HOXA3: variants seen among roughly 807,000 people sequenced by gnomAD.
The protein encoded by HOXA3 is homeobox A3, also known as homeobox protein Hox-A3.
HOXA3 carries 8 observed loss-of-function variants against 30.3 expected under a neutral mutation model. The ratio of observed to expected loss-of-function variants is 0.26; its 90% CI spans 0.15 to 0.48. The LOEUF (loss-of-function observed/expected upper bound fraction) is 0.48. Among genes scored for constraint, HOXA3 ranks in the 20% least tolerant of loss-of-function variants. The pLI, the probability that HOXA3 is intolerant of heterozygous loss-of-function variation, is 0.99. For missense variants in HOXA3, 653 were observed against 614.4 expected, an observed-to-expected ratio of 1.06 and a Z score of -0.66; for synonymous variants, 323 against 273.1, an observed-to-expected ratio of 1.18 and a Z score of -1.80.
At chr7:27,111,103 CTT>C (rs371905067) in intron 4 of HOXA3, among the ~76,000 whole-genome samples, 1 of 152,076 alleles carries the variant, frequency 6.6e-6, no homozygotes, top group African/African-American at 2.4e-5. Flanking sequence ...GAAGAAGAAA[CTT>C]GGGGTGTCGC....
chr7:27,131,305 T>C (rs1300209057), intron 2 of HOXA3, among the ~76,000 whole-genome samples: 1 of 152,138 alleles, frequency 6.6e-6, no homozygotes, highest in African/African-American at 2.4e-5. Flanking sequence ...GGTTTTTATG[T>C]ACGCCACTGA....
At chr7:27,149,962 A>G (rs1782912960) in intron 1 of HOXA3, 1 of 152,166 alleles carries the variant, frequency 6.6e-6, no homozygotes, top group Non-Finnish European at 1.5e-5. Context: ...TACTATTATT[A>G]TTATTTGTCA....
chr7:27,145,610 G>T, intron 1 of HOXA3: 5 of 1,579,494 alleles, frequency 3.2e-6, no homozygotes, highest in Non-Finnish European at 3.4e-6. Context: ...GGGCAAGGGG[G>T]CAAAGCCGAA....
intron 1 of HOXA3, among the ~76,000 whole-genome samples, chr7:27,148,809 T>C (rs1782875309): frequency 6.6e-6 from 1 of 152,208 alleles, no homozygotes; most frequent in Admixed American, 6.5e-5. Context: ...AATCCAGATG[T>C]GGAATCTCTC....
At position 27,145,843 on chromosome 7, in the gene HOXA3, CCTT is replaced by C. The variant is rs1419969242; in HGVS notation, c.-493-5660_-493-5658del. The C allele has an allele frequency of 3.1e-6, 5 of 1,614,252 alleles. No homozygotes were observed. In the Admixed American group the frequency reaches 5.0e-5, roughly 16 times the overall value. On this transcript the variant is annotated intron_variant, in intron 1 of 5. Coordinates refer to ENST00000612286, the MANE Select transcript of HOXA3 (RefSeq NM_153631.3). ...GTCAGGTAGCGGTTGAAGTGGAACT[CCTT>C]CTCCAGCTCCAGTGTCTGGTAGCGC...
intron 4 of HOXA3, among the ~76,000 whole-genome samples, chr7:27,115,183 C>CA (rs2128044586): frequency 6.6e-6 from 1 of 151,852 alleles, no homozygotes; most frequent in East Asian, 2.0e-4. Context: ...CACCTTAGAG[C>CA]AAAAACAAAG....
At chr7:27,146,684 G>C (rs1782779140) in intron 1 of HOXA3, among the ~76,000 whole-genome samples, 1 of 152,114 alleles carries the variant, frequency 6.6e-6, no homozygotes. Flanking sequence ...GGGTGGTGGG[G>C]GGTCCCTCCA....
chr7:27,132,192 T>C (rs1311191242), intron 2 of HOXA3, among the ~76,000 whole-genome samples: 2 of 152,318 alleles, frequency 1.3e-5, no homozygotes, highest in African/African-American at 4.8e-5. Flanking sequence ...AATATTTTCA[T>C]ATTGGCATGC....
intron 2 of HOXA3, among the ~76,000 whole-genome samples, chr7:27,132,857 CCTT>C (rs1189351456): frequency 3.3e-5 from 5 of 152,204 alleles, no homozygotes; most frequent in African/African-American, 4.8e-5. Context: ...AATCTTCCCT[CCTT>C]CTCATGTCAT....
At chr7:27,119,101 A>C (rs979487182) in intron 4 of HOXA3, among the ~76,000 whole-genome samples, 1 of 151,976 alleles carries the variant, frequency 6.6e-6, no homozygotes, top group African/African-American at 2.4e-5. Context: ...ATAAGTTTCT[A>C]AACATAAAAA....
intron 2 of HOXA3, chr7:27,129,687 ATAAC>A: frequency 9.0e-7 from 1 of 1,106,830 alleles, no homozygotes. Context: ...TCATTATATA[ATAAC>A]CTGACACCAA....
intron 1 of HOXA3, among the ~76,000 whole-genome samples, chr7:27,149,003 G>T (rs1782880796): frequency 6.6e-6 from 1 of 152,210 alleles, no homozygotes; most frequent in African/African-American, 2.4e-5. Flanking sequence ...GAGGGCTGCC[G>T]CCCCTCAGTC....
intron 1 of HOXA3, chr7:27,141,579 G>T: frequency 2.9e-6 from 1 of 348,194 alleles, no homozygotes; most frequent in Non-Finnish European, 5.2e-6. Context: ...AACACAGCTT[G>T]CTTCATATAA....
intron 3 of HOXA3, among the ~76,000 whole-genome samples, chr7:27,126,442 T>TAA (rs35599450): frequency 5.5e-4 from 78 of 142,704 alleles, no homozygotes; most frequent in African/African-American, 1.8e-3. Flanking sequence ...AGGGTTTGCT[T>TAA]AAAAAAAAAA....
In HOXA3 at chr7:27,113,966, T is replaced by A. The variant is rs1470541760; in HGVS notation, c.-120-3206A>T. On this transcript the variant is annotated intron_variant, in intron 4 of 5. Transcript: ENST00000612286. This position sits in a 1 kb window ranked among gnomAD's most constrained non-coding sequence, Gnocchi z 4.8. ...GATAAGCGCTAGTGCGGCGCCGGGC[T>A]CTGCCTGGGCTAGTGGCACCGACTT... 6.7e-6 allele frequency: 1 copy of A among 149,852 alleles called. No individual in the cohort carries two copies. The highest frequency in any genetic ancestry group is 1.5e-5 in the Non-Finnish European group (1 of 67,306). The allele number at this position is 149,852 out of a possible 1,614,324, so 9.3% of individuals were successfully genotyped here.
At chr7:27,129,673 A>G in intron 2 of HOXA3, 2 of 1,243,418 alleles carry the variant, frequency 1.6e-6, no homozygotes, top group South Asian at 2.5e-5. Flanking sequence ...GCAATTGGAC[A>G]TCATCATTAT....
chr7:27,144,506 C>T (rs1583409228), intron 1 of HOXA3, among the ~76,000 whole-genome samples: 1 of 152,176 alleles, frequency 6.6e-6, no homozygotes, highest in South Asian at 2.1e-4. Context: ...GATTTGCTTA[C>T]GTATCCAGCC....
chr7:27,123,804 C>G (rs1452537526), intron 3 of HOXA3: 2 of 152,480 alleles, frequency 1.3e-5, no homozygotes, highest in African/African-American at 4.8e-5. Flanking sequence ...ACACCGGTAG[C>G]TGCGCTCTGC....
At position 27,108,019 on chromosome 7, in the gene HOXA3, G is replaced by T. The variant is rs766458165; in HGVS notation, c.1228C>A (p.His410Asn). 9.9e-6 allele frequency: 16 copies of T among 1,612,692 alleles called. No homozygotes were observed. Among genetic ancestry groups the T allele is most frequent in the Middle Eastern group, 1.6e-4 (1 of 6,074 alleles). ...GAGPLGSGHH[H>N]GPGPGEPHPT... Reference sequence around the variant, plus strand: ...TGCGGCTCCCCAGGCCCCGGCCCGTGGTGGTGGCCGCTGCCCAGCGGCCCG... The same window carrying T: ...TGCGGCTCCCCAGGCCCCGGCCCGTTGTGGTGGCCGCTGCCCAGCGGCCCG... The change falls in exon 6 of 6, where the codon CAC (histidine) becomes AAC (asparagine). Residue 410 changes from histidine to asparagine, a missense_variant. His to Asn is a moderately conservative substitution (Grantham distance 68, BLOSUM62 1). Transcript: ENST00000612286. The surrounding 1 kb of genome is among the most constrained non-coding windows in gnomAD (Gnocchi z 5.0).
Sources: gnomAD v4.1 joint callset for allele counts (sites outside exome capture counted in the v4.1 genomes callset) on GRCh38, gnomAD v4.1.1 for gene constraint, Gnocchi (gnomAD v3.1) non-coding constraint, MANE v1.5 for transcripts, NCBI Gene and HGNC (gene_info 2026-07-23, HGNC 2026-07-21) for gene names.